Variants in GPHN observed in about 807,000 individuals in gnomAD.
The protein encoded by GPHN is gephyrin.
Under a neutral mutation model 95.5 loss-of-function variants are expected in GPHN, and 17 were observed. The ratio of observed to expected loss-of-function variants is 0.18; its 90% CI spans 0.12 to 0.27. The LOEUF is 0.27. Ranked by LOEUF, GPHN falls within the 10% of genes least tolerant of loss-of-function variation. GPHN has a pLI of 1.00. For synonymous variants in GPHN, 320 were observed against 322.5 expected, an observed-to-expected ratio of 0.99 and a Z score of 0.08; for missense variants, 660 against 978.1, an observed-to-expected ratio of 0.67 and a Z score of 4.34.
the GPHN span, chr14:67,333,791 G>A: frequency 6.6e-6 from 1 of 150,426 alleles, no homozygotes; most frequent in African/African-American, 2.5e-5. Flanking sequence ...TGAATGGCAG[G>A]TGTTCATTAT....
At chr14:66,714,756 C>A (rs769606516) in intron 2 of GPHN, among the ~76,000 whole-genome samples, 1 of 151,898 alleles carries the variant, frequency 6.6e-6, no homozygotes, top group East Asian at 1.9e-4. Flanking sequence ...GTTTTTAATT[C>A]TTTTTATGTG....
the GPHN span, chr14:67,332,785 A>G: frequency 6.2e-7 from 1 of 1,608,144 alleles, no homozygotes; most frequent in Non-Finnish European, 8.5e-7. Context: ...TGCAGCCTGA[A>G]GAGTTGAGAG....
chr14:67,262,339 T>C, the GPHN span, among the ~76,000 whole-genome samples: 1 of 152,166 alleles, frequency 6.6e-6, no homozygotes. Flanking sequence ...ATGTATCTTC[T>C]CTTTTCCAAT....
intron 9 of GPHN, among the ~76,000 whole-genome samples, chr14:66,999,207 C>T (rs1594774067): frequency 6.6e-6 from 1 of 151,856 alleles, no homozygotes; most frequent in South Asian, 2.1e-4. Flanking sequence ...CATCCATTTA[C>T]TTTGTTCAGG....
the GPHN span, among the ~76,000 whole-genome samples, chr14:67,291,446 G>A: frequency 2.0e-5 from 3 of 151,934 alleles, no homozygotes; most frequent in Middle Eastern, 3.2e-3. Context: ...CACTGTTCCC[G>A]GCTAATTTTT....
intron 1 of GPHN, among the ~76,000 whole-genome samples, chr14:66,611,256 C>T (rs944882773): frequency 3.3e-5 from 5 of 152,092 alleles, no homozygotes; most frequent in Non-Finnish European, 7.4e-5. Flanking sequence ...GTTATGACTT[C>T]TGTTCACTAA....
chr14:66,578,846 A>C (rs1334650213), intron 1 of GPHN, among the ~76,000 whole-genome samples: 1 of 151,802 alleles, frequency 6.6e-6, no homozygotes, highest in Non-Finnish European at 1.5e-5. Flanking sequence ...GCTGAAAGAA[A>C]AGGATGGTAA....
the GPHN span, chr14:67,722,812 G>A: frequency 9.8e-7 from 1 of 1,016,260 alleles, no homozygotes; most frequent in Admixed American, 1.7e-5. Context: ...GGCTGACAGA[G>A]GAGAAAGTCA....
intron 9 of GPHN, among the ~76,000 whole-genome samples, chr14:67,011,596 AG>A (rs1452331603): frequency 2.7e-5 from 4 of 149,816 alleles, no homozygotes; most frequent in African/African-American, 4.9e-5. Flanking sequence ...AAAAAAAAAA[AG>A]AAGGAAAATT....
At chr14:67,386,551 T>G in the GPHN span, 1 of 152,264 alleles carries the variant, frequency 6.6e-6, no homozygotes, top group African/African-American at 2.4e-5. Flanking sequence ...CAGATTAACC[T>G]TCCAACTGGT....
chr14:66,553,093 C>T (rs1021482380), intron 1 of GPHN, among the ~76,000 whole-genome samples: 23 of 151,660 alleles, frequency 1.5e-4, no homozygotes, highest in African/African-American at 5.3e-4. Flanking sequence ...CAGGTTCAAG[C>T]GATTCCCTGC....
chr14:67,273,949 G>A, the GPHN span, among the ~76,000 whole-genome samples: 1 of 152,188 alleles, frequency 6.6e-6, no homozygotes, highest in South Asian at 2.1e-4. Context: ...CATATTCTTT[G>A]CCCACTTTTT....
intron 1 of GPHN, among the ~76,000 whole-genome samples, chr14:66,594,123 T>G (rs1326582578): frequency 6.6e-6 from 1 of 152,086 alleles, no homozygotes; most frequent in African/African-American, 2.4e-5. Context: ...GTAAAAACTC[T>G]GTAAGCAGAA....
intron 4 of GPHN, among the ~76,000 whole-genome samples, chr14:66,845,807 A>C (rs2062299869): frequency 6.7e-6 from 1 of 148,698 alleles, no homozygotes. Flanking sequence ...GGTAATGTGC[A>C]CATACATGCC....
the GPHN span, among the ~76,000 whole-genome samples, chr14:67,619,350 C>G: frequency 6.6e-6 from 1 of 152,162 alleles, no homozygotes; most frequent in African/African-American, 2.4e-5. Flanking sequence ...TTCAAAATAC[C>G]TAAGGTAGAT....
At chr14:67,280,857 C>CCTTCCTTCCTTCCTTCCT in the GPHN span, among the ~76,000 whole-genome samples, 1 of 53,250 alleles carries the variant, frequency 1.9e-5, no homozygotes, top group Admixed American at 2.1e-4. Flanking sequence ...CCTTCCTTCC[C>CCTTCCTTCCTTCCTTCCT]TCCCTCCCTC....
At chr14:67,138,118 A>T (rs1478171486) in intron 17 of GPHN, among the ~76,000 whole-genome samples, 1 of 152,180 alleles carries the variant, frequency 6.6e-6, no homozygotes, top group Non-Finnish European at 1.5e-5. Context: ...TCATAATGCA[A>T]ATATTACTAT....
chr14:67,597,386 G>A, the GPHN span, among the ~76,000 whole-genome samples: 1 of 152,072 alleles, frequency 6.6e-6, no homozygotes, highest in Non-Finnish European at 1.5e-5. Flanking sequence ...GCTGAGATAA[G>A]AGGATCGCTT....
chr14:67,615,831 A>G, the GPHN span: 1 of 615,774 alleles, frequency 1.6e-6, no homozygotes, highest in Non-Finnish European at 3.0e-6. Flanking sequence ...AAAAGAGAAC[A>G]TTCTGGCCTG....
Sources: allele counts gnomAD v4.1 joint callset (sites outside exome capture counted in the v4.1 genomes callset), GRCh38; gene constraint gnomAD v4.1.1; transcripts MANE v1.5; gene names NCBI Gene and HGNC (gene_info 2026-07-23, HGNC 2026-07-21).